Variants in MAP3K20 observed in about 807,000 individuals in gnomAD.
The protein encoded by MAP3K20 is mitogen-activated protein kinase kinase kinase 20.
Under a neutral mutation model 85.7 loss-of-function variants are expected in MAP3K20, and 40 were observed. The observed-to-expected ratio is 0.47, with a 90% CI of 0.36 to 0.61. MAP3K20 has a LOEUF of 0.61. Ranked by LOEUF, MAP3K20 falls within the 20% of genes least tolerant of loss-of-function variation. MAP3K20 has a pLI of 0.00. For synonymous variants in MAP3K20, 325 were observed against 327.7 expected (o/e 0.99, Z 0.09); for missense variants, 817 against 961.7 (o/e 0.85, Z 1.99).
intron 2 of MAP3K20, among the ~76,000 whole-genome samples, chr2:173,155,011 T>G (rs757789988): frequency 6.6e-6 from 1 of 152,184 alleles, no homozygotes; most frequent in Non-Finnish European, 1.5e-5. Context: ...AGAAAAGTTA[T>G]TTTTTGGAGA....
At chr2:173,096,086 C>A (rs948967407) in intron 2 of MAP3K20, among the ~76,000 whole-genome samples, 1 of 152,120 alleles carries the variant, frequency 6.6e-6, no homozygotes, top group Non-Finnish European at 1.5e-5. Flanking sequence ...TCTACCCTTC[C>A]ATTCATTAAT....
rs1689696135 is a variant in MAP3K20, at chr2:173,162,678, C to G, written c.160-7127C>G. Among the ~76,000 whole-genome samples, 5 of 134,146 alleles carry G rather than the reference C, an allele frequency of 3.7e-5. 1 individual carries two copies. The South Asian group carries it at 1.2e-3, about 31-fold the overall frequency. The allele number at this position is 134,146 out of a possible 152,430, so 88.0% of individuals were successfully genotyped here. A position where few individuals can be genotyped will look rare whatever the true frequency, so the allele number is the denominator to read the frequency against. On this transcript the variant is annotated intron_variant, in intron 2 of 19. Coordinates refer to ENST00000375213, the MANE Select transcript of MAP3K20 (RefSeq NM_016653.3). ...TCCAGCCTGGGCGACAAGAATGAAACTCCGTCTCCAAAAAAAAAAAAAAAA... is the reference window on the plus strand; with the variant it reads ...TCCAGCCTGGGCGACAAGAATGAAAGTCCGTCTCCAAAAAAAAAAAAAAAA...
intron 3 of MAP3K20, among the ~76,000 whole-genome samples, chr2:173,177,456 T>TC (rs1211444556): frequency 6.7e-6 from 1 of 150,270 alleles, no homozygotes; most frequent in Admixed American, 6.6e-5. Context: ...TTTTTTTTTT[T>TC]TTTTTTGAGA....
chr2:173,263,260 C>A (rs1458672809), intron 18 of MAP3K20, among the ~76,000 whole-genome samples: 1 of 152,190 alleles, frequency 6.6e-6, no homozygotes, highest in Non-Finnish European at 1.5e-5. Context: ...ATTCACCCCA[C>A]CACCTTCACT....
intron 10 of MAP3K20, among the ~76,000 whole-genome samples, chr2:173,213,348 T>G (rs896206753): frequency 9.9e-5 from 15 of 152,228 alleles, no homozygotes; most frequent in Non-Finnish European, 1.9e-4. Flanking sequence ...TTTCAGGAAC[T>G]GTTAATCCTG....
rs143545990 is a variant in MAP3K20 at position 173,238,332 on chromosome 2, A to G, written c.1204-41A>G. ...CCAATGATTTTAGTCTTCTCTTGGT[A>G]TTACTGGATCATTAATAAAGTCATA... On this transcript the variant is annotated intron_variant, in intron 14 of 19. Transcript: ENST00000375213. 2.1e-3 allele frequency: 3,258 copies of G among 1,544,150 alleles called. 11 individuals are homozygous for G. The highest frequency in any genetic ancestry group is 4.9e-3 in the Middle Eastern group (29 of 5,892).
intron 11 of MAP3K20, chr2:173,224,587 C>A (rs1291883114): frequency 1.0e-6 from 1 of 985,192 alleles, no homozygotes; most frequent in East Asian, 1.1e-4. Context: ...CCACCAAGAA[C>A]CTAAAAGGAA....
chr2:173,126,404 G>C (rs1157491707), intron 2 of MAP3K20, among the ~76,000 whole-genome samples: 1 of 152,052 alleles, frequency 6.6e-6, no homozygotes, highest in African/African-American at 2.4e-5. Flanking sequence ...TTTTGAGACA[G>C]AGTCTCACTC....
chr2:173,239,077 T>C (rs1210648620), intron 15 of MAP3K20, among the ~76,000 whole-genome samples: 1 of 152,164 alleles, frequency 6.6e-6, no homozygotes, highest in African/African-American at 2.4e-5. Context: ...ATTGTGAACC[T>C]CTGAAGTTGA....
intron 2 of MAP3K20, among the ~76,000 whole-genome samples, chr2:173,129,139 G>A (rs62175804): frequency 0.03 from 4,485 of 152,014 alleles, 105 homozygotes; most frequent in Middle Eastern, 0.068. Context: ...ATGTTGGCCA[G>A]GATGGTCTCA....
intron 2 of MAP3K20, among the ~76,000 whole-genome samples, chr2:173,164,300 A>ATG (rs1689751253): frequency 6.6e-6 from 1 of 152,034 alleles, no homozygotes. Context: ...CATTTCTCTA[A>ATG]TGATTAGAGA....
intron 7 of MAP3K20, among the ~76,000 whole-genome samples, chr2:173,193,308 T>C (rs543431189): frequency 3.9e-5 from 6 of 152,360 alleles, no homozygotes; most frequent in Admixed American, 6.5e-5. Context: ...TTTGCACTTA[T>C]GAGTCCACAC....
chr2:173,117,253 G>C (rs1688151657), intron 2 of MAP3K20, among the ~76,000 whole-genome samples: 1 of 151,982 alleles, frequency 6.6e-6, no homozygotes, highest in Non-Finnish European at 1.5e-5. Context: ...TTTGAAGCAG[G>C]GATATGTAGT....
intron 2 of MAP3K20, among the ~76,000 whole-genome samples, chr2:173,164,765 T>C (rs1247261953): frequency 6.6e-6 from 1 of 152,228 alleles, no homozygotes; most frequent in Non-Finnish European, 1.5e-5. Context: ...AAAACTATGA[T>C]ATTTAACTTC....
chr2:173,105,276 G>A (rs1020582924), intron 2 of MAP3K20, among the ~76,000 whole-genome samples: 3 of 152,172 alleles, frequency 2.0e-5, no homozygotes, highest in Non-Finnish European at 4.4e-5. Flanking sequence ...GCAGTGAGAA[G>A]TGGTTGAATT....
At chr2:173,216,987 G>A (rs1035295358) in intron 10 of MAP3K20, 128 bp from the exon 11 acceptor site, 3 of 910,534 alleles carry the variant, frequency 3.3e-6, no homozygotes, top group Admixed American at 4.0e-5. Context: ...CTTCTCCTCC[G>A]GCAGTTACCT....
chr2:173,117,129 G>A (rs1316112750), intron 2 of MAP3K20, among the ~76,000 whole-genome samples: 1 of 152,138 alleles, frequency 6.6e-6, no homozygotes, highest in South Asian at 2.1e-4. Flanking sequence ...ATTTAACAAT[G>A]CAATCAATTA....
chr2:173,194,138 A>G lies in MAP3K20; in HGVS notation c.582+2961A>G, dbSNP rs144776960. Reference sequence around the variant, plus strand: ...CTTCTGCTGTGTGAGTCTTGAAGACAGAGGTTTGCTTGGAATGCTGGTTTG... The same window carrying G: ...CTTCTGCTGTGTGAGTCTTGAAGACGGAGGTTTGCTTGGAATGCTGGTTTG... On this transcript the variant is annotated intron_variant, in intron 7 of 19. Transcript: ENST00000375213. Among the ~76,000 whole-genome samples, 19 of 152,328 alleles carry G rather than the reference A, an allele frequency of 1.2e-4. 1 individual carries two copies. The East Asian group carries it at 3.1e-3, about 25-fold the overall frequency.
intron 11 of MAP3K20, chr2:173,225,774 A>C (rs1445632198): frequency 1.0e-6 from 1 of 985,102 alleles, no homozygotes; most frequent in African/African-American, 1.7e-5. Flanking sequence ...GAATTTTGTG[A>C]GTTTCGTGGC....
Sources: allele counts gnomAD v4.1 joint callset (sites outside exome capture counted in the v4.1 genomes callset), GRCh38; gene constraint gnomAD v4.1.1; transcripts MANE v1.5; gene names NCBI Gene and HGNC (gene_info 2026-07-23, HGNC 2026-07-21).